DPP10: variants seen among roughly 807,000 people sequenced by gnomAD.
DPP10 encodes the protein dipeptidyl peptidase like 10, also known as inactive dipeptidyl peptidase 10.
DPP10 carries 33 observed loss-of-function variants against 120.9 expected under a neutral mutation model. The observed-to-expected ratio is 0.27, with a 90% confidence interval of 0.21 to 0.37. DPP10 has a LOEUF of 0.37. Ranked by LOEUF, DPP10 falls within the 10% of genes least tolerant of loss-of-function variation. The probability of loss-of-function intolerance (pLI) is 1.00; values close to 1 mark genes in which losing one functional copy is unlikely to be tolerated. For missense variants in DPP10, 816 were observed against 942.8 expected, an observed-to-expected ratio of 0.87 and a Z score of 1.76; for synonymous variants, 337 against 326.1, an observed-to-expected ratio of 1.03 and a Z score of -0.36.
intron 13 of DPP10, among the ~76,000 whole-genome samples, chr2:115,770,290 C>A (rs753852866): frequency 6.6e-6 from 1 of 152,074 alleles, no homozygotes; most frequent in Non-Finnish European, 1.5e-5. Context: ...GAAATACCTT[C>A]TGTTTCTCAG....
At chr2:115,637,581 G>A (rs974476920) in intron 5 of DPP10, among the ~76,000 whole-genome samples, 2 of 152,078 alleles carry the variant, frequency 1.3e-5, no homozygotes, top group Non-Finnish European at 1.5e-5. Context: ...TGTTAGGAGA[G>A]CATTTCCAAG....
At chr2:114,931,049 C>T (rs964007412) in intron 1 of DPP10, among the ~76,000 whole-genome samples, 1 of 152,152 alleles carries the variant, frequency 6.6e-6, no homozygotes. Context: ...CTTAATGAAT[C>T]TCTAAGAAGT....
chr2:115,354,504 A>T (rs997464440), intron 3 of DPP10, among the ~76,000 whole-genome samples: 2 of 151,848 alleles, frequency 1.3e-5, no homozygotes, highest in African/African-American at 4.8e-5. Flanking sequence ...AAATGCATCT[A>T]TGTTGTTGTA....
chr2:114,597,754 C>T (rs1025341876), intron 1 of DPP10, among the ~76,000 whole-genome samples: 2 of 151,858 alleles, frequency 1.3e-5, no homozygotes, highest in Admixed American at 6.6e-5. Context: ...GGTATCTTTG[C>T]CTCCTTTTGA....
intron 1 of DPP10, among the ~76,000 whole-genome samples, chr2:114,941,842 C>T (rs1339273504): frequency 6.6e-6 from 1 of 152,008 alleles, no homozygotes; most frequent in Non-Finnish European, 1.5e-5. Context: ...TATAGGGGTG[C>T]TGAGAAACAT....
intron 5 of DPP10, among the ~76,000 whole-genome samples, chr2:115,586,448 T>C (rs966939175): frequency 6.6e-6 from 1 of 152,240 alleles, no homozygotes; most frequent in African/African-American, 2.4e-5. Flanking sequence ...CTACATACTT[T>C]GGAAAAGATT....
At chr2:115,343,720 A>T in intron 2 of DPP10, 97 bp from the exon 3 acceptor site, 2 of 721,472 alleles carry the variant, frequency 2.8e-6, no homozygotes, top group Non-Finnish European at 4.6e-6. Flanking sequence ...TTATGTAGTT[A>T]ATATATTTTA....
chr2:114,579,281 G>A (rs1373730643), intron 1 of DPP10, among the ~76,000 whole-genome samples: 1 of 152,194 alleles, frequency 6.6e-6, no homozygotes, highest in East Asian at 1.9e-4. Flanking sequence ...TGAGGGAGTG[G>A]AGTGAACTGC....
intron 1 of DPP10, among the ~76,000 whole-genome samples, chr2:114,522,279 C>A (rs558136511): frequency 2.0e-5 from 3 of 152,128 alleles, no homozygotes; most frequent in African/African-American, 7.2e-5. Context: ...CCACCGCGCC[C>A]GGCCTATCCA....
intron 1 of DPP10, among the ~76,000 whole-genome samples, chr2:114,522,011 G>T (rs1274235929): frequency 1.6e-5 from 2 of 128,906 alleles, no homozygotes; most frequent in Non-Finnish European, 3.2e-5. Flanking sequence ...ACGGAGTCTC[G>T]CTCTGTCACC....
intron 1 of DPP10, among the ~76,000 whole-genome samples, chr2:115,245,722 T>G (rs893810526): frequency 2.6e-5 from 4 of 152,140 alleles, no homozygotes; most frequent in Non-Finnish European, 4.4e-5. Flanking sequence ...TTTGCAGACT[T>G]GTAAGAATTC....
chr2:114,498,942 C>T (rs1218514655), intron 1 of DPP10, among the ~76,000 whole-genome samples: 1 of 152,190 alleles, frequency 6.6e-6, no homozygotes. Flanking sequence ...ATGTGTTATA[C>T]ATATGCAATG....
chr2:115,565,925 A>G (rs1008118792), intron 5 of DPP10, among the ~76,000 whole-genome samples: 1 of 151,698 alleles, frequency 6.6e-6, no homozygotes, highest in African/African-American at 2.4e-5. Flanking sequence ...AGCTGGGATT[A>G]TAGGCATGCG....
chr2:115,595,655 A>C (rs759286078), intron 5 of DPP10, among the ~76,000 whole-genome samples: 5 of 152,210 alleles, frequency 3.3e-5, no homozygotes, highest in African/African-American at 1.2e-4. Flanking sequence ...TTAATCTGCC[A>C]TAAACCTTCT....
intron 5 of DPP10, among the ~76,000 whole-genome samples, chr2:115,656,532 G>T (rs2088366625): frequency 6.6e-6 from 1 of 151,552 alleles, no homozygotes; most frequent in Non-Finnish European, 1.5e-5. Context: ...GTATGAGAAA[G>T]GAAAATTATA....
intron 1 of DPP10, among the ~76,000 whole-genome samples, chr2:114,855,668 A>G (rs892750178): frequency 2.0e-5 from 3 of 152,240 alleles, no homozygotes; most frequent in Non-Finnish European, 4.4e-5. Context: ...AGAGACAAGT[A>G]GAGACCCTAC....
intron 4 of DPP10, among the ~76,000 whole-genome samples, chr2:115,512,251 C>G (rs1337338199): frequency 6.6e-6 from 1 of 152,016 alleles, no homozygotes; most frequent in Non-Finnish European, 1.5e-5. Context: ...CAGGCATGAG[C>G]CACCATGTCT....
chr2:114,896,143 A>G (rs1337349611), intron 1 of DPP10, among the ~76,000 whole-genome samples: 1 of 152,090 alleles, frequency 6.6e-6, no homozygotes, highest in Non-Finnish European at 1.5e-5. Context: ...GTAGCCTTGT[A>G]GTATAGTTTG....
intron 9 of DPP10, among the ~76,000 whole-genome samples, chr2:115,744,005 C>A (rs1677629093): frequency 6.6e-6 from 1 of 150,544 alleles, no homozygotes; most frequent in Non-Finnish European, 1.5e-5. Context: ...CTTTTGACCA[C>A]CACTGAGCTG....
Sources: gnomAD v4.1 joint callset for allele counts (sites outside exome capture counted in the v4.1 genomes callset) on GRCh38, gnomAD v4.1.1 for gene constraint, MANE v1.5 for transcripts, NCBI Gene and HGNC (gene_info 2026-07-23, HGNC 2026-07-21) for gene names.